The following EFR3B variants were observed in gnomAD, a reference collection of about 807,000 sequenced individuals.
EFR3B encodes EFR3 homolog B.
Under a neutral mutation model 104.7 loss-of-function variants are expected in EFR3B, and 64 were observed. The ratio of observed to expected loss-of-function variants is 0.61; its 90% CI spans 0.50 to 0.75. The LOEUF (loss-of-function observed/expected upper bound fraction) is 0.75. Ranked by LOEUF, EFR3B falls within the 30% of genes least tolerant of loss-of-function variation. The probability of loss-of-function intolerance (pLI) is 0.00; values close to 1 mark genes in which losing one functional copy is unlikely to be tolerated. For synonymous variants in EFR3B, 385 were observed against 417.9 expected (o/e 0.92, Z 0.96); for missense variants, 750 against 1,078.5 (o/e 0.70, Z 4.27).
Position 25,133,023 on chromosome 2 carries a change from C to G in EFR3B, c.1259+9C>G, listed in dbSNP as rs1670412762. ...GACACAGGCAGGACGGGGTGAGCCA[C>G]CAATCTCCCCCAGCCTGGAGTCCTC... On this transcript the variant is annotated intron_variant, in intron 11 of 22. Transcript: ENST00000403714. 6.5e-7 allele frequency: 1 copy of G among 1,549,230 alleles called. No individual in the cohort carries two copies.
chr2:25,074,429 G>A (rs1330319455), intron 1 of EFR3B, among the ~76,000 whole-genome samples: 7 of 152,010 alleles, frequency 4.6e-5, no homozygotes, highest in Non-Finnish European at 8.8e-5. Flanking sequence ...GCCAGGCGTG[G>A]TGGTGTGTGC....
chr2:25,084,684 A>G (rs1365214781), intron 1 of EFR3B, among the ~76,000 whole-genome samples: 1 of 152,202 alleles, frequency 6.6e-6, no homozygotes, highest in African/African-American at 2.4e-5. Context: ...ACATCAATCA[A>G]TATATGTAAG....
chr2:25,048,662 G>A (rs1299397155), intron 1 of EFR3B, among the ~76,000 whole-genome samples: 2 of 152,228 alleles, frequency 1.3e-5, no homozygotes, highest in East Asian at 3.9e-4. Context: ...AATAACAAGA[G>A]TTACACTAGA....
chr2:25,078,512 G>T (rs141762575), intron 1 of EFR3B, among the ~76,000 whole-genome samples: 1 of 152,284 alleles, frequency 6.6e-6, no homozygotes, highest in African/African-American at 2.4e-5. Context: ...GAAAGGAGAG[G>T]CCAGGAGGGG....
chr2:25,055,365 C>A (rs1454086592), intron 1 of EFR3B, among the ~76,000 whole-genome samples: 1 of 152,218 alleles, frequency 6.6e-6, no homozygotes, highest in African/African-American at 2.4e-5. Flanking sequence ...ACGAGTCCCT[C>A]ACTGGGGACC....
chr2:25,148,383 T>C (rs1211137046), intron 19 of EFR3B, among the ~76,000 whole-genome samples: 1 of 151,766 alleles, frequency 6.6e-6, no homozygotes, highest in Admixed American at 6.6e-5. Flanking sequence ...ACTCCCCAAG[T>C]AGCTGGGATT....
intron 19 of EFR3B, chr2:25,146,160 G>A (rs746148830): frequency 6.6e-6 from 1 of 151,102 alleles, no homozygotes; most frequent in Non-Finnish European, 1.5e-5. Flanking sequence ...GGTGGGACCG[G>A]GACAGAAAGA....
chr2:25,138,050 T>A (rs1670568192), intron 15 of EFR3B, among the ~76,000 whole-genome samples: 1 of 152,150 alleles, frequency 6.6e-6, no homozygotes. Context: ...TGCATGCGTG[T>A]AGTCCCAGCT....
chr2:25,058,774 C>CA (rs1668096747), intron 1 of EFR3B, among the ~76,000 whole-genome samples: 1 of 141,032 alleles, frequency 7.1e-6, no homozygotes, highest in African/African-American at 2.8e-5. Context: ...GCCCCCCCCC[C>CA]CAAAAAAAAA....
chr2:25,144,379 C>T (rs1313698824), intron 18 of EFR3B, among the ~76,000 whole-genome samples: 1 of 152,068 alleles, frequency 6.6e-6, no homozygotes, highest in East Asian at 1.9e-4. Flanking sequence ...CCCATCTCTA[C>T]TAAAAATACA....
At chr2:25,141,791 T>C (rs1366154239) in intron 17 of EFR3B, among the ~76,000 whole-genome samples, 2 of 152,204 alleles carry the variant, frequency 1.3e-5, no homozygotes, top group Non-Finnish European at 2.9e-5. Flanking sequence ...CCAGTGTCAT[T>C]TCAACATCAG....
chr2:25,150,872 A>G (rs1194775792), intron 20 of EFR3B, among the ~76,000 whole-genome samples: 3 of 152,002 alleles, frequency 2.0e-5, no homozygotes, highest in African/African-American at 7.3e-5. Context: ...CAGCCTCCCA[A>G]AGTGCTGGGC....
chr2:25,130,489 ATCTCT>A lies in EFR3B; in HGVS notation c.771-58_771-54del. The A allele has an allele frequency of 7.1e-7, 1 of 1,403,364 alleles. No homozygotes were observed. The highest frequency in any genetic ancestry group is 9.9e-7 in the Non-Finnish European group (1 of 1,012,056). The allele number at this position is 1,403,364 out of a possible 1,614,324, so 86.9% of individuals were successfully genotyped here. On this transcript the variant is annotated intron_variant, in intron 7 of 22. Coordinates refer to ENST00000403714, the MANE Select transcript of EFR3B (RefSeq NM_014971.2). The surrounding 1 kb of genome is among the most constrained non-coding windows in gnomAD (Gnocchi z 4.6). ...AAGGTGTCCCTCTGCCTCCAAGCTA[ATCTCT>A]TCTCCCTAACACTGCCGGGAGTTTC...
chr2:25,139,715 G>A (rs112547779), intron 16 of EFR3B, among the ~76,000 whole-genome samples: 7,297 of 152,218 alleles, frequency 0.048, 251 homozygotes, highest in South Asian at 0.12. Context: ...TGCTTCATCT[G>A]TCTCCTTTTC....
chr2:25,089,483 T>G (rs17046839), intron 1 of EFR3B, among the ~76,000 whole-genome samples: 17,777 of 152,184 alleles, frequency 0.12, 2,596 homozygotes, highest in African/African-American at 0.35. Flanking sequence ...AAAGGGCCAA[T>G]GTTCCTGGTT....
intron 5 of EFR3B, among the ~76,000 whole-genome samples, chr2:25,126,224 G>A (rs1282670658): frequency 1.3e-5 from 2 of 152,128 alleles, no homozygotes; most frequent in Non-Finnish European, 2.9e-5. Context: ...TTTCATCCGG[G>A]CTGGAGTGCA....
rs999340798 is a variant in EFR3B, at chr2:25,137,375, G to A, written c.1595G>A (p.Ser532Asn). Residue 532 changes from serine to asparagine, a missense_variant, in exon 15 of 23, where the codon AGC (serine) becomes AAC (asparagine). Coordinates refer to ENST00000403714, the MANE Select transcript of EFR3B (RefSeq NM_014971.2). The surrounding 1 kb of genome is among the most constrained non-coding windows in gnomAD (Gnocchi z 4.7). ...SQQLYRHIYL[S>N]CKEETNVQKH... Reference sequence around the variant, plus strand: ...CAGCTCTACAGACACATCTACCTGAGCTGCAAGGAGGAAACAAACGTGCAG... The same window carrying A: ...CAGCTCTACAGACACATCTACCTGAACTGCAAGGAGGAAACAAACGTGCAG... 5 of 1,551,998 alleles carry A rather than the reference G, an allele frequency of 3.2e-6. No homozygotes were observed. In the African/African-American group the frequency reaches 4.1e-5, roughly 13 times the overall value.
At chr2:25,068,168 G>A (rs895416994) in intron 1 of EFR3B, among the ~76,000 whole-genome samples, 1 of 152,194 alleles carries the variant, frequency 6.6e-6, no homozygotes, top group Non-Finnish European at 1.5e-5. Context: ...TGGACTGGGT[G>A]TGTAAGGTCA....
At chr2:25,144,426 C>T (rs1436613889) in intron 18 of EFR3B, among the ~76,000 whole-genome samples, 1 of 96,876 alleles carries the variant, frequency 1.0e-5, no homozygotes, top group Non-Finnish European at 3.2e-5. Flanking sequence ...TGCCTGTAGT[C>T]CCAGCTACTC....
Sources: gnomAD v4.1 joint callset for allele counts (sites outside exome capture counted in the v4.1 genomes callset) on GRCh38, gnomAD v4.1.1 for gene constraint, Gnocchi (gnomAD v3.1) non-coding constraint, MANE v1.5 for transcripts, NCBI Gene and HGNC (gene_info 2026-07-23, HGNC 2026-07-21) for gene names.